ACOT12: variants seen among roughly 807,000 people sequenced by gnomAD.
ACOT12 encodes the protein acyl-CoA thioesterase 12.
In ACOT12, 51 loss-of-function variants were observed where a neutral mutation model predicts 67.7. The ratio of observed to expected loss-of-function variants is 0.75; its 90% CI spans 0.60 to 0.95. The LOEUF is 0.95. ACOT12 is among the 40% of genes least tolerant of loss of function. The pLI is 0.00. For missense variants in ACOT12, 734 were observed against 708.1 expected (o/e 1.04, Z -0.41); for synonymous variants, 251 against 244.6 (o/e 1.03, Z -0.24).
chr5:81,371,891 T>G (rs1760266217), intron 2 of ACOT12, 81 bp from the exon 3 acceptor site: 1 of 1,242,900 alleles, frequency 8.0e-7, no homozygotes, highest in Non-Finnish European at 1.2e-6. Flanking sequence ...CTTAAATGCA[T>G]GCCATAAAGC....
chr5:81,335,892 A>G lies in ACOT12; in HGVS notation c.1138T>C (p.Tyr380His), dbSNP rs752750653. The G allele has an allele frequency of 2.5e-6, 4 of 1,599,518 alleles. No individual in the cohort carries two copies. In the African/African-American group the frequency reaches 4.1e-5, roughly 16 times the overall value. Residue 380 changes from tyrosine to histidine, a missense_variant, in exon 12 of 15, where the codon TAT (tyrosine) becomes CAT (histidine). By Grantham distance (83) the Tyr-to-His change is moderately conservative. Coordinates refer to ENST00000307624, the MANE Select transcript of ACOT12 (RefSeq NM_130767.3). Reference protein sequence around the residue: ...VTSTVEKIKIYTLEEHDVLSV... With the variant: ...VTSTVEKIKIHTLEEHDVLSV... ...AAAACATCATGCTCTTCCAGAGTATATATTTTTATCTAAAAGACAACAAAA... is the reference window on the plus strand; with the variant it reads ...AAAACATCATGCTCTTCCAGAGTATGTATTTTTATCTAAAAGACAACAAAA...
chr5:81,394,081 TCATGACCACCTCGC>T lies in ACOT12; in HGVS notation c.20_33del (p.Gly7GlufsTer33). ...GCGTGCGCCGGCTGGATGGCTTGGCTCATGACCACCTCGCCGGGCGCCGGCCGCTCCATGGCCAG... is the reference window on the plus strand; with the variant it reads ...GCGTGCGCCGGCTGGATGGCTTGGCTCGGGCGCCGGCCGCTCCATGGCCAG... On this transcript the variant is annotated frameshift_variant, in exon 1 of 15. Coordinates refer to ENST00000307624, the MANE Select transcript of ACOT12 (RefSeq NM_130767.3). LOFTEE classifies it high-confidence loss of function. 6.8e-7 allele frequency: 1 copy of T among 1,468,286 alleles called. No individual in the cohort carries two copies. Among genetic ancestry groups the T allele is most frequent in the Non-Finnish European group, 9.0e-7 (1 of 1,116,428 alleles). The allele number at this position is 1,468,286 out of a possible 1,614,324, so 91.0% of individuals were successfully genotyped here.
intron 2 of ACOT12, among the ~76,000 whole-genome samples, chr5:81,384,924 C>T (rs1299596139): frequency 6.6e-6 from 1 of 152,110 alleles, no homozygotes; most frequent in African/African-American, 2.4e-5. Context: ...GAAAAGTAAT[C>T]GCAGTTTTCT....
chr5:81,362,290 C>T (rs1198189356), intron 4 of ACOT12, among the ~76,000 whole-genome samples: 1 of 151,730 alleles, frequency 6.6e-6, no homozygotes, highest in African/African-American at 2.4e-5. Flanking sequence ...CTCAGCTTCC[C>T]AAGTAGCTGG....
At chr5:81,355,762 G>A (rs1022256775) in intron 5 of ACOT12, among the ~76,000 whole-genome samples, 1 of 152,198 alleles carries the variant, frequency 6.6e-6, no homozygotes, top group African/African-American at 2.4e-5. Context: ...TGAGTGGGCC[G>A]ATGGATGCCT....
chr5:81,359,280 G>C (rs146120142), intron 5 of ACOT12, among the ~76,000 whole-genome samples: 11 of 152,208 alleles, frequency 7.2e-5, no homozygotes, highest in African/African-American at 2.6e-4. Flanking sequence ...CAGACAAAAA[G>C]AAAGGGCAGA....
chr5:81,309,946 C>G, the ACOT12 span, among the ~76,000 whole-genome samples: 1 of 151,930 alleles, frequency 6.6e-6, no homozygotes, highest in Non-Finnish European at 1.5e-5. Context: ...TCAGTGGTGT[C>G]TTAGAGTTGA....
Position 81,363,897 on chromosome 5 carries a change from GA to G in ACOT12, c.259-9del. On this transcript the variant is annotated splice_polypyrimidine_tract_variant and intron_variant, in intron 3 of 14. Transcript: ENST00000307624. Reference sequence around the variant, plus strand: ...CATGACCTTGATACTGATCTAAAATGAAAAAAAGATAAATAAATACACTCTT... The same window carrying G: ...CATGACCTTGATACTGATCTAAAATGAAAAAAGATAAATAAATACACTCTT... 4.5e-6 allele frequency: 7 copies of G among 1,544,212 alleles called. No homozygotes were observed. The highest frequency in any genetic ancestry group is 2.4e-5 in the East Asian group (1 of 42,352).
At chr5:81,364,739 T>A (rs994740807) in intron 3 of ACOT12, among the ~76,000 whole-genome samples, 2 of 152,208 alleles carry the variant, frequency 1.3e-5, no homozygotes. Flanking sequence ...TTCCAATTTT[T>A]AAAAATTTGG....
intron 11 of ACOT12, among the ~76,000 whole-genome samples, 160 bp from the exon 12 acceptor site, chr5:81,336,061 G>A (rs563003435): frequency 6.6e-6 from 1 of 152,228 alleles, no homozygotes; most frequent in Non-Finnish European, 1.5e-5. Context: ...TCAAATACTG[G>A]GATGTCTAGA....
At chr5:81,343,764 ATT>A (rs1759279926) in intron 10 of ACOT12, 52 bp downstream of exon 10, 1 of 1,582,788 alleles carries the variant, frequency 6.3e-7, no homozygotes, top group Admixed American at 1.8e-5. Flanking sequence ...GCGGATTTCC[ATT>A]TTTGTAATGA....
At chr5:81,315,490 AT>A in the ACOT12 span, among the ~76,000 whole-genome samples, 2 of 152,252 alleles carry the variant, frequency 1.3e-5, no homozygotes, top group Non-Finnish European at 2.9e-5. Flanking sequence ...GAGGGCAGGA[AT>A]TTTGATTCTT....
At chr5:81,308,869 G>C in the ACOT12 span, 1 of 1,416,224 alleles carries the variant, frequency 7.1e-7, no homozygotes, top group Non-Finnish European at 9.6e-7. Flanking sequence ...TTTTTATTCA[G>C]AGTATTTTAA....
the ACOT12 span, chr5:81,309,215 A>C: frequency 4.2e-6 from 2 of 472,788 alleles, no homozygotes; most frequent in Non-Finnish European, 7.3e-6. Flanking sequence ...ATTTGACTTC[A>C]GATGTTAATA....
At chr5:81,331,260 G>A (rs540926840) in intron 13 of ACOT12, among the ~76,000 whole-genome samples, 32 of 152,294 alleles carry the variant, frequency 2.1e-4, no homozygotes, top group African/African-American at 5.3e-4. Flanking sequence ...AAAACAGGCC[G>A]GGTGCAGTGG....
chr5:81,342,922 C>T (rs531654079), intron 10 of ACOT12, among the ~76,000 whole-genome samples, 167 bp from the exon 11 acceptor site: 2 of 152,286 alleles, frequency 1.3e-5, no homozygotes, highest in Admixed American at 1.3e-4. Flanking sequence ...TGGCTCATGC[C>T]TGTAGTCCCA....
At chr5:81,362,877 TG>T (rs1215053405) in intron 4 of ACOT12, among the ~76,000 whole-genome samples, 4 of 152,172 alleles carry the variant, frequency 2.6e-5, no homozygotes, top group Non-Finnish European at 4.4e-5. Context: ...ATAACACCCT[TG>T]GGCAATATGA....
Position 81,348,055 on chromosome 5 carries a change from T to G in ACOT12, c.497-125A>C, listed in dbSNP as rs1759437201. 7 of 1,045,796 alleles carry G rather than the reference T, an allele frequency of 6.7e-6. No homozygotes were observed. The Middle Eastern group carries it at 1.3e-3, about 192-fold the overall frequency. The allele number at this position is 1,045,796 out of a possible 1,614,324, so 64.8% of individuals were successfully genotyped here. A position where few individuals can be genotyped will look rare whatever the true frequency, so the allele number is the denominator to read the frequency against. On this transcript the variant is annotated intron_variant, in intron 5 of 14. Coordinates refer to ENST00000307624, the MANE Select transcript of ACOT12 (RefSeq NM_130767.3). ...AAAAATTAAAGTGTTCTCAAAGCCT[T>G]AAGACTGAGAAAATTGACAGGTTCT... is the stretch of plus-strand genomic sequence containing the variant.
the ACOT12 span, among the ~76,000 whole-genome samples, chr5:81,320,661 A>C: frequency 6.6e-6 from 1 of 152,222 alleles, no homozygotes; most frequent in Admixed American, 6.5e-5. Flanking sequence ...CTGCATGATA[A>C]AATCACAAAA....
Sources: allele counts gnomAD v4.1 joint callset (sites outside exome capture counted in the v4.1 genomes callset), GRCh38; gene constraint gnomAD v4.1.1; transcripts MANE v1.5; gene names NCBI Gene and HGNC (gene_info 2026-07-23, HGNC 2026-07-21).